ZGPAT: variants seen among roughly 807,000 people sequenced by gnomAD.
ZGPAT encodes zinc finger CCCH-type with G patch domain-containing protein.
ZGPAT carries 39 observed loss-of-function variants against 47.9 expected under a neutral mutation model. The ratio of observed to expected loss-of-function variants is 0.81; its 90% confidence interval spans 0.63 to 1.06. The LOEUF is 1.06. Among genes scored for constraint, ZGPAT ranks in the 50% least tolerant of loss-of-function variants. The probability of loss-of-function intolerance (pLI) is 0.00; values close to 1 mark genes in which losing one functional copy is unlikely to be tolerated. For missense variants in ZGPAT, 717 were observed against 681.4 expected (o/e 1.05, Z -0.58); for synonymous variants, 348 against 292.9 (o/e 1.19, Z -1.92).
At chr20:63,726,979 C>A (rs1332079436) in intron 2 of ZGPAT, among the ~76,000 whole-genome samples, 2 of 152,166 alleles carry the variant, frequency 1.3e-5, no homozygotes, top group East Asian at 3.9e-4. Flanking sequence ...TTATTACAAT[C>A]CATAAACCTA....
rs199925445 is a variant in ZGPAT, at chr20:63,735,787, C to T, written c.1404C>T (p.Ser468=). The stretch of plus-strand genomic sequence containing the variant: ...CTAGTGAGCCCCTCCGCAGGCATAG[C>T]GTGGCGTCAGCCCAGCTGCAGGAGA... ...EALARNAGRH[S]VASAQLQEKL... Residue 468 remains serine, a synonymous_variant, in exon 7 of 7, where the codon AGC becomes AGT. Transcript: ENST00000355969. 37 of 1,602,548 alleles carry T rather than the reference C, an allele frequency of 2.3e-5. No individual in the cohort carries two copies. In the East Asian group the frequency reaches 6.1e-4, roughly 26 times the overall value.
chr20:63,720,976 G>C (rs1043570366), intron 2 of ZGPAT, among the ~76,000 whole-genome samples: 5 of 152,142 alleles, frequency 3.3e-5, no homozygotes, highest in African/African-American at 1.2e-4. Flanking sequence ...ATTATATTCT[G>C]TCAGGGGTGC....
intron 2 of ZGPAT, among the ~76,000 whole-genome samples, chr20:63,711,306 G>C (rs1025541437): frequency 2.0e-5 from 3 of 152,154 alleles, no homozygotes; most frequent in Non-Finnish European, 4.4e-5. Flanking sequence ...CTCTGGGCCA[G>C]GCACTGCTCC....
intron 2 of ZGPAT, among the ~76,000 whole-genome samples, chr20:63,726,223 G>T (rs1217305722): frequency 7.1e-6 from 1 of 140,390 alleles, no homozygotes; most frequent in African/African-American, 2.7e-5. Flanking sequence ...TTTTGAGTCG[G>T]AGTCTCACTG....
intron 2 of ZGPAT, among the ~76,000 whole-genome samples, chr20:63,723,673 A>C: frequency 6.6e-6 from 1 of 152,188 alleles, no homozygotes. Context: ...CTCCTCTGAC[A>C]TAGCTCCATC....
intron 3 of ZGPAT, 38 bp downstream of exon 3, chr20:63,733,390 C>A (rs563900992): frequency 6.2e-7 from 1 of 1,603,776 alleles, no homozygotes; most frequent in African/African-American, 1.3e-5. Flanking sequence ...GAACACCCTC[C>A]CAGGCCCCAC....
chr20:63,733,797 C>T, intron 4 of ZGPAT, 58 bp downstream of exon 4: 2 of 1,557,160 alleles, frequency 1.3e-6, no homozygotes, highest in Non-Finnish European at 1.7e-6. Context: ...CTGAGAGGCT[C>T]CTGGCCGGTG....
intron 2 of ZGPAT, among the ~76,000 whole-genome samples, chr20:63,716,739 G>A (rs1260459899): frequency 6.6e-6 from 1 of 152,090 alleles, no homozygotes; most frequent in African/African-American, 2.4e-5. Context: ...CTGGAGTGCA[G>A]TGGTGCAATC....
chr20:63,715,280 C>T (rs1293305586), intron 2 of ZGPAT, among the ~76,000 whole-genome samples: 13 of 144,432 alleles, frequency 9.0e-5, no homozygotes, highest in East Asian at 8.6e-4. Flanking sequence ...CTCACTCTGT[C>T]GCCGGGCTGG....
intron 2 of ZGPAT, among the ~76,000 whole-genome samples, chr20:63,726,625 C>T (rs866377839): frequency 3.3e-5 from 5 of 151,924 alleles, no homozygotes; most frequent in South Asian, 2.1e-4. Flanking sequence ...CAGGCTCAAG[C>T]GATTCTTATG....
upstream of ZGPAT, chr20:63,707,509 C>T (rs902204811): frequency 6.0e-6 from 1 of 167,370 alleles, no homozygotes; most frequent in Non-Finnish European, 1.3e-5. Context: ...GCGCCCCACC[C>T]GGGAGCAGCG....
chr20:63,735,564 G>C lies in ZGPAT; in HGVS notation c.1397G>C (p.Arg466Pro), dbSNP rs200051356. 1 of 1,512,944 alleles carries C rather than the reference G, an allele frequency of 6.6e-7. No individual in the cohort carries two copies. Among genetic ancestry groups the C allele is most frequent in the Non-Finnish European group, 8.8e-7 (1 of 1,132,210 alleles). The allele number at this position is 1,512,944 out of a possible 1,614,324, so 93.7% of individuals were successfully genotyped here. The change falls in exon 6 of 7, where the codon CGG (arginine) becomes CCG (proline). Residue 466 changes from arginine (R) to proline (P), a missense_variant and splice_region_variant. Coordinates refer to ENST00000355969, the MANE Select transcript of ZGPAT (RefSeq NM_181485.3). ...IQEALARNAGRHSVASAQLQE... is the reference protein window; with the variant it reads ...IQEALARNAGPHSVASAQLQE... Reference sequence around the variant, plus strand: ...GAGGCTCTCGCCCGCAACGCTGGCCGGTACGTGTGGGGCCCAGCTCAGGGC... The same window carrying C: ...GAGGCTCTCGCCCGCAACGCTGGCCCGTACGTGTGGGGCCCAGCTCAGGGC...
intron 2 of ZGPAT, among the ~76,000 whole-genome samples, chr20:63,722,986 T>A (rs1353555860): frequency 6.6e-6 from 1 of 152,164 alleles, no homozygotes; most frequent in Non-Finnish European, 1.5e-5. Context: ...TATGACATAG[T>A]TCCCCCTCCA....
chr20:63,719,457 T>C (rs750118002), intron 2 of ZGPAT, among the ~76,000 whole-genome samples: 1 of 152,218 alleles, frequency 6.6e-6, no homozygotes, highest in Non-Finnish European at 1.5e-5. Context: ...CATTTTTCTT[T>C]GTTCTTTTTT....
chr20:63,729,611 T>C (rs1349197314), intron 2 of ZGPAT, among the ~76,000 whole-genome samples: 1 of 152,170 alleles, frequency 6.6e-6, no homozygotes, highest in African/African-American at 2.4e-5. Context: ...TCCTGGAGGC[T>C]CTCTTTTGCT....
chr20:63,723,847 G>A (rs1193672622), intron 2 of ZGPAT, among the ~76,000 whole-genome samples: 1 of 152,260 alleles, frequency 6.6e-6, no homozygotes, highest in Non-Finnish European at 1.5e-5. Flanking sequence ...GAGGTGGGCA[G>A]ATCGCCTGAG....
intron 2 of ZGPAT, 118 bp downstream of exon 2, chr20:63,709,282 C>A (rs1416124170): frequency 1.8e-6 from 2 of 1,091,484 alleles, no homozygotes; most frequent in Non-Finnish European, 1.4e-6. Flanking sequence ...CTGGGGCAGG[C>A]GTGCTTTGAC....
Position 63,708,473 on chromosome 20 carries a change from A to ACGTGCC in ZGPAT, c.-28-65_-28-60dup, listed in dbSNP as rs144352421. The ACGTGCC allele has an allele frequency of 2.2e-4, 215 of 999,652 alleles. 2 individuals carry two copies. Among genetic ancestry groups the ACGTGCC allele is most frequent in the South Asian group, 1.4e-3 (86 of 59,358 alleles). The allele number at this position is 999,652 out of a possible 1,614,324, so 61.9% of individuals were successfully genotyped here. A position where few individuals can be genotyped will look rare whatever the true frequency, so the allele number is the denominator to read the frequency against. On this transcript the variant is annotated intron_variant, in intron 1 of 6. Transcript: ENST00000355969. ...CCGGTGTCTCCCCGAGGGAAAGGGGACGTGCCCGTGCCCGTGCCCGCCCTC... is the reference window on the plus strand; with the variant it reads ...CCGGTGTCTCCCCGAGGGAAAGGGGACGTGCCCGTGCCCGTGCCCGTGCCCGCCCTC...
Position 63,735,765 on chromosome 20 carries a change from G to C in ZGPAT, c.1398-16G>C, listed in dbSNP as rs766997698. Reference sequence around the variant, plus strand: ...ATGGCCCAGGACCCCACGCTGACTAGTGAGCCCCTCCGCAGGCATAGCGTG... The same window carrying C: ...ATGGCCCAGGACCCCACGCTGACTACTGAGCCCCTCCGCAGGCATAGCGTG... On this transcript the variant is annotated splice_polypyrimidine_tract_variant and intron_variant, in intron 6 of 6. Transcript: ENST00000355969. The C allele has an allele frequency of 6.3e-7, 1 of 1,584,728 alleles. No homozygotes were observed. The highest frequency in any genetic ancestry group is 8.6e-7 in the Non-Finnish European group (1 of 1,166,620).
Sources: allele counts gnomAD v4.1 joint callset (sites outside exome capture counted in the v4.1 genomes callset), GRCh38; gene constraint gnomAD v4.1.1; transcripts MANE v1.5; gene names NCBI Gene and HGNC (gene_info 2026-07-23, HGNC 2026-07-21).